SNRPN: variants seen among roughly 807,000 people sequenced by gnomAD.
SNRPN encodes the protein small nuclear ribonucleoprotein-associated protein N.
In SNRPN, 7 loss-of-function variants were observed where a neutral mutation model predicts 25.2. That is an observed-to-expected ratio of 0.28 (90% CI 0.16 to 0.52). SNRPN has a LOEUF of 0.52. SNRPN is among the 20% of genes least tolerant of loss of function. The probability of loss-of-function intolerance (pLI) is 0.96; values close to 1 mark genes in which losing one functional copy is unlikely to be tolerated. For synonymous variants in SNRPN, 124 were observed against 110.6 expected, an observed-to-expected ratio of 1.12 and a Z score of -0.76; for missense variants, 196 against 322.5, an observed-to-expected ratio of 0.61 and a Z score of 3.00.
chr15:24,854,813 C>A (rs1353795003), upstream of SNRPN, among the ~76,000 whole-genome samples: 2 of 152,058 alleles, frequency 1.3e-5, no homozygotes, highest in African/African-American at 4.8e-5. Flanking sequence ...GACCTTTGGG[C>A]AACATGGTGA....
intron 1 of SNRPN, among the ~76,000 whole-genome samples, chr15:24,883,367 A>G (rs1189750503): frequency 1.3e-5 from 2 of 150,470 alleles, no homozygotes; most frequent in African/African-American, 2.5e-5. Context: ...CTAGAGCACT[A>G]TAGAAAGGTC....
chr15:24,838,817 T>C lies in SNRPN; in HGVS notation c.-579+8912T>C, dbSNP rs549377015. Among the ~76,000 whole-genome samples, 95 of 152,190 alleles carry C rather than the reference T, an allele frequency of 6.2e-4. 1 individual carries two copies. The South Asian group carries it at 0.017, about 27-fold the overall frequency. On this transcript the variant is annotated intron_variant, in intron 2 of 12. Coordinates refer to the SNRPN transcript ENST00000400100. ...GTTTCCCGCACTACTAGAGGGTTCC[T>C]AGCACCCTGGTCCTCCCTGATCCTG...
At chr15:24,925,348 TCACACTTGTA>T (rs1022271736) in intron 3 of SNRPN, among the ~76,000 whole-genome samples, 6 of 152,080 alleles carry the variant, frequency 3.9e-5, no homozygotes, top group African/African-American at 1.4e-4. Context: ...GCATGGTGGC[TCACACTTGTA>T]CAGCACTTTG....
rs144694299 is a variant in SNRPN, at chr15:24,970,437, G to A, written c.-144+2355G>A. Among the ~76,000 whole-genome samples, 315 of 152,168 alleles carry A rather than the reference G, an allele frequency of 2.1e-3. 2 individuals are homozygous for A. Among genetic ancestry groups the A allele is most frequent in the African/African-American group, 7.2e-3 (299 of 41,526 alleles). On this transcript the variant is annotated intron_variant, in intron 3 of 9. Coordinates refer to ENST00000390687, the MANE Select transcript of SNRPN (RefSeq NM_003097.6). ...GTTCTAAAAATACAAATATTAGCCG[G>A]GTGTAGTGGGGGACACCTGTAATCC...
intron 1 of SNRPN, among the ~76,000 whole-genome samples, chr15:24,880,012 TA>T (rs1020288536): frequency 1.3e-5 from 2 of 152,178 alleles, no homozygotes; most frequent in Admixed American, 1.3e-4. Flanking sequence ...TTTCCTTCCA[TA>T]ACTTCACAGT....
intron 1 of SNRPN, among the ~76,000 whole-genome samples, chr15:24,880,980 TAC>T (rs2056524084): frequency 6.6e-6 from 1 of 152,062 alleles, no homozygotes; most frequent in Admixed American, 6.6e-5. Context: ...AATTTTAATC[TAC>T]AAAAAACAAA....
intron 3 of SNRPN, among the ~76,000 whole-genome samples, chr15:24,936,002 C>A (rs1415986385): frequency 6.6e-6 from 1 of 151,914 alleles, no homozygotes; most frequent in African/African-American, 2.4e-5. Context: ...GAAGTCCCAG[C>A]TACTTGAGAG....
chr15:24,903,225 G>A (rs777341094), intron 2 of SNRPN, among the ~76,000 whole-genome samples: 16 of 152,118 alleles, frequency 1.1e-4, no homozygotes, highest in Non-Finnish European at 2.1e-4. Flanking sequence ...ATACTTAATG[G>A]CACATTAATT....
chr15:24,978,094 A>G (rs1338930486), intron 8 of SNRPN, 99 bp from the exon 9 acceptor site: 9 of 1,321,192 alleles, frequency 6.8e-6, no homozygotes, highest in East Asian at 2.3e-5. Flanking sequence ...TGACTCTATC[A>G]TTGTTGTCTG....
At chr15:24,904,678 G>GA (rs2058685616) in intron 2 of SNRPN, among the ~76,000 whole-genome samples, 1 of 143,098 alleles carries the variant, frequency 7.0e-6, no homozygotes, top group African/African-American at 2.6e-5. Flanking sequence ...GAAAAGAAAA[G>GA]AAAGAAAGAA....
intron 3 of SNRPN, among the ~76,000 whole-genome samples, chr15:24,973,601 T>C (rs1275702125): frequency 6.6e-6 from 1 of 152,126 alleles, no homozygotes; most frequent in African/African-American, 2.4e-5. Flanking sequence ...GATTTCACCA[T>C]GTTGGCCAGG....
At chr15:24,925,372 G>A (rs1045460518) in intron 3 of SNRPN, among the ~76,000 whole-genome samples, 1 of 152,012 alleles carries the variant, frequency 6.6e-6, no homozygotes, top group African/African-American at 2.4e-5. Context: ...CACTTTGGGA[G>A]GCTGAGATGG....
chr15:24,915,188 C>T (rs1595874388), intron 2 of SNRPN, among the ~76,000 whole-genome samples: 1 of 151,816 alleles, frequency 6.6e-6, no homozygotes, highest in African/African-American at 2.4e-5. Flanking sequence ...AGTGTAGTGG[C>T]GTGATCTCGG....
intron 3 of SNRPN, chr15:24,942,237 GA>G (rs1384587832): frequency 6.6e-6 from 1 of 152,150 alleles, no homozygotes. Flanking sequence ...GATATTTGTG[GA>G]GGGCTGCCAC....
chr15:24,850,995 A>G (rs2052768600), intron 2 of SNRPN: 1 of 150,816 alleles, frequency 6.6e-6, no homozygotes, highest in Non-Finnish European at 1.5e-5. Flanking sequence ...TACACTGTTC[A>G]CTGCAGCCTC....
intron 3 of SNRPN, among the ~76,000 whole-genome samples, chr15:24,922,037 TAA>T (rs67089476): frequency 0.2 from 19,060 of 94,036 alleles, 2,081 homozygotes; most frequent in African/African-American, 0.36. Context: ...CCGTCTCTAC[TAA>T]AAAAAAAAAA....
upstream of SNRPN, among the ~76,000 whole-genome samples, chr15:24,855,934 T>A (rs1025178558): frequency 6.6e-6 from 1 of 152,102 alleles, no homozygotes; most frequent in Non-Finnish European, 1.5e-5. Flanking sequence ...AGGTTATAGA[T>A]CAGATTTTAT....
intron 1 of SNRPN, among the ~76,000 whole-genome samples, chr15:24,869,180 C>G (rs1220986809): frequency 2.0e-5 from 3 of 151,926 alleles, no homozygotes; most frequent in Non-Finnish European, 2.9e-5. Flanking sequence ...GGGTTTTCAA[C>G]AATATTGACA....
At chr15:24,909,556 C>T (rs2059079404) in intron 2 of SNRPN, 1 of 1,423,872 alleles carries the variant, frequency 7.0e-7, no homozygotes, top group South Asian at 1.1e-5. Context: ...TCGGGCCAAC[C>T]TTCACACCAT....
Sources: gnomAD v4.1 joint callset for allele counts (sites outside exome capture counted in the v4.1 genomes callset) on GRCh38, gnomAD v4.1.1 for gene constraint, MANE v1.5 for transcripts, NCBI Gene and HGNC (gene_info 2026-07-23, HGNC 2026-07-21) for gene names.